PHACTR3: variants seen among roughly 807,000 people sequenced by gnomAD.
The protein encoded by PHACTR3 is phosphatase and actin regulator 3.
In PHACTR3, 16 loss-of-function variants were observed where a neutral mutation model predicts 66.8. The ratio of observed to expected loss-of-function variants is 0.24; its 90% CI spans 0.16 to 0.36. The LOEUF is 0.36. PHACTR3 is among the 10% of genes least tolerant of loss of function. The probability of loss-of-function intolerance (pLI) is 1.00; values close to 1 mark genes in which losing one functional copy is unlikely to be tolerated. For missense variants in PHACTR3, 647 were observed against 719.9 expected (o/e 0.90, Z 1.16); for synonymous variants, 323 against 292.1 (o/e 1.11, Z -1.08).
chr20:59,693,157 C>G (rs1045825442), intron 1 of PHACTR3, among the ~76,000 whole-genome samples: 2 of 152,074 alleles, frequency 1.3e-5, no homozygotes, highest in Non-Finnish European at 2.9e-5. Flanking sequence ...GTGGCTGGCT[C>G]AGGGTTGTGT....
chr20:59,709,188 C>T (rs1254859048), intron 1 of PHACTR3, among the ~76,000 whole-genome samples: 2 of 152,212 alleles, frequency 1.3e-5, no homozygotes, highest in African/African-American at 2.4e-5. Flanking sequence ...ATAAAAATCT[C>T]TCAAAACTTT....
intron 1 of PHACTR3, among the ~76,000 whole-genome samples, chr20:59,663,483 G>A (rs1053907195): frequency 2.0e-5 from 3 of 152,150 alleles, no homozygotes; most frequent in Non-Finnish European, 2.9e-5. Flanking sequence ...TTCTTTTCAG[G>A]TTTTTTGTTT....
intron 7 of PHACTR3, among the ~76,000 whole-genome samples, chr20:59,783,134 A>G (rs984889677): frequency 1.3e-5 from 2 of 152,230 alleles, no homozygotes; most frequent in Non-Finnish European, 2.9e-5. Flanking sequence ...AGTCGTCTCC[A>G]TGGTGACTTC....
chr20:59,641,044 A>G (rs2035082162), intron 1 of PHACTR3, among the ~76,000 whole-genome samples: 1 of 151,922 alleles, frequency 6.6e-6, no homozygotes, highest in Admixed American at 6.6e-5. Context: ...TAATGTATGC[A>G]TATATATACA....
chr20:59,633,848 G>A (rs1036621371), intron 1 of PHACTR3, among the ~76,000 whole-genome samples: 8 of 152,150 alleles, frequency 5.3e-5, no homozygotes, highest in African/African-American at 1.9e-4. Flanking sequence ...TAGGGCGGAG[G>A]TTAATGGATA....
chr20:59,723,074 CTT>C (rs1481769386), intron 1 of PHACTR3, among the ~76,000 whole-genome samples: 2 of 132,950 alleles, frequency 1.5e-5, no homozygotes, highest in South Asian at 2.4e-4. Context: ...TTCTTTCTTT[CTT>C]TCTTTCTTTC....
chr20:59,825,316 C>T lies in PHACTR3; in HGVS notation c.1329-11189C>T, dbSNP rs572523656. ...GTTGCTGTCAAAACCAGCCTTTGGG[C>T]TCAAGTTTCTCAATGTAAACCTGGC... On this transcript the variant is annotated intron_variant, in intron 8 of 12. Coordinates refer to ENST00000371015, the MANE Select transcript of PHACTR3 (RefSeq NM_080672.5). Among the ~76,000 whole-genome samples the T allele has an allele frequency of 4.6e-5, 7 of 152,310 alleles. No homozygotes were observed. The East Asian group carries it at 1.4e-3, about 29-fold the overall frequency.
At chr20:59,641,738 A>G (rs1360172082) in intron 1 of PHACTR3, among the ~76,000 whole-genome samples, 2 of 152,210 alleles carry the variant, frequency 1.3e-5, no homozygotes, top group African/African-American at 4.8e-5. Flanking sequence ...TTGTGTGTGT[A>G]TGTACATTTG....
At chr20:59,590,555 C>G (rs2426793) in intron 1 of PHACTR3, among the ~76,000 whole-genome samples, 64,093 of 151,980 alleles carry the variant, frequency 0.42, 13,804 homozygotes, top group Non-Finnish European at 0.48. Flanking sequence ...GGGTCAGGGG[C>G]TAAAGCCTGG....
At chr20:59,636,457 G>T (rs1488463238) in intron 1 of PHACTR3, among the ~76,000 whole-genome samples, 1 of 152,176 alleles carries the variant, frequency 6.6e-6, no homozygotes, top group Non-Finnish European at 1.5e-5. Context: ...ACATAGTCTG[G>T]ATTTGAACAG....
At chr20:59,716,251 T>C (rs1181840090) in intron 1 of PHACTR3, among the ~76,000 whole-genome samples, 1 of 136,354 alleles carries the variant, frequency 7.3e-6, no homozygotes, top group East Asian at 2.2e-4. Context: ...TGTGTGTGTG[T>C]GTGTGTGTGT....
intron 7 of PHACTR3, among the ~76,000 whole-genome samples, chr20:59,778,752 A>G (rs1171765435): frequency 1.3e-5 from 2 of 152,170 alleles, no homozygotes; most frequent in Admixed American, 6.5e-5. Context: ...GTGCCTGTAA[A>G]GTACTAACAG....
chr20:59,633,468 A>G (rs537439890), intron 1 of PHACTR3, among the ~76,000 whole-genome samples: 2 of 152,174 alleles, frequency 1.3e-5, no homozygotes, highest in Non-Finnish European at 2.9e-5. Context: ...ACATGGTCAC[A>G]GAGAGGGGAA....
chr20:59,789,941 T>C (rs895580241), intron 7 of PHACTR3, among the ~76,000 whole-genome samples: 8 of 152,228 alleles, frequency 5.3e-5, no homozygotes, highest in African/African-American at 7.2e-5. Flanking sequence ...ATGGCTGCAT[T>C]AGCAACGTGG....
intron 1 of PHACTR3, among the ~76,000 whole-genome samples, chr20:59,676,366 G>A (rs898213878): frequency 6.6e-5 from 10 of 152,250 alleles, no homozygotes; most frequent in Non-Finnish European, 1.3e-4. Flanking sequence ...AGAGGAGTGG[G>A]CGCCTGGCCC....
intron 1 of PHACTR3, among the ~76,000 whole-genome samples, chr20:59,588,090 G>C (rs2033087477): frequency 6.6e-6 from 1 of 152,186 alleles, no homozygotes; most frequent in African/African-American, 2.4e-5. Flanking sequence ...CTGAGGGAAT[G>C]AATGGCTCTC....
intron 1 of PHACTR3, among the ~76,000 whole-genome samples, chr20:59,619,483 C>T (rs376946323): frequency 2.6e-5 from 4 of 152,010 alleles, no homozygotes; most frequent in Admixed American, 6.6e-5. Context: ...TGAGTGAGCA[C>T]GGAAGTAGAG....
Position 59,755,252 on chromosome 20 carries a change from G to C in PHACTR3, c.429G>C (p.Lys143Asn). Residue 143 changes from lysine (K) to asparagine (N), a missense_variant, in exon 4 of 13, where the codon AAG becomes AAC. Physicochemically the swap from Lys to Asn is moderately conservative, Grantham distance 94. Around this residue, in one of 2 missense-constraint regions of PHACTR3, gnomAD observed 577 missense variants for 571.1 expected, o/e 1.01. Coordinates refer to ENST00000371015, the MANE Select transcript of PHACTR3 (RefSeq NM_080672.5). ...TACAGAGTGAACCACCCACTCCCAAGTCGGAGACGCTGACTTCAGAAGATG... is the reference window on the plus strand; with the variant it reads ...TACAGAGTGAACCACCCACTCCCAACTCGGAGACGCTGACTTCAGAAGATG... ...RSVQSEPPTP[K>N]SETLTSEDAQ... The C allele has an allele frequency of 6.2e-7, 1 of 1,613,934 alleles. No homozygotes were observed. Among genetic ancestry groups the C allele is most frequent in the Non-Finnish European group, 8.5e-7 (1 of 1,180,028 alleles).
intron 8 of PHACTR3, among the ~76,000 whole-genome samples, chr20:59,822,543 C>T (rs931951552): frequency 1.8e-4 from 27 of 151,872 alleles, no homozygotes; most frequent in Non-Finnish European, 8.8e-5. Context: ...TGGCTTCCAG[C>T]ATCCCCTCCT....
Sources: allele counts gnomAD v4.1 joint callset (sites outside exome capture counted in the v4.1 genomes callset), GRCh38; gene constraint gnomAD v4.1.1; regional missense constraint gnomAD v4.1.1; transcripts MANE v1.5; gene names NCBI Gene and HGNC (gene_info 2026-07-23, HGNC 2026-07-21).